The following STMP1 variants were observed in gnomAD, a reference collection of about 807,000 sequenced individuals.
STMP1 encodes mitolamban.
Under a neutral mutation model 7.0 loss-of-function variants are expected in STMP1, and 7 were observed. The observed-to-expected ratio is 1.01, with a 90% CI of 0.57 to 1.89. The LOEUF is 1.89. Among genes scored for constraint, STMP1 ranks in the 40% most tolerant of loss-of-function variants. STMP1 has a pLI of 0.00. For missense variants in STMP1, 45 were observed against 53.0 expected (o/e 0.85, Z 0.47); for synonymous variants, 19 against 18.4 (o/e 1.03, Z -0.08).
At chr7:135,665,459 A>G (rs1195887843) in intron 1 of STMP1, 2 of 151,200 alleles carry the variant, frequency 1.3e-5, no homozygotes, top group African/African-American at 4.9e-5. Flanking sequence ...TATTATTACT[A>G]TTTTTAATAG....
At chr7:135,670,130 G>A (rs1402221674) in intron 1 of STMP1, among the ~76,000 whole-genome samples, 1 of 151,944 alleles carries the variant, frequency 6.6e-6, no homozygotes, top group African/African-American at 2.4e-5. Flanking sequence ...ACCATTAATT[G>A]TCCCCAATGT....
At position 135,674,275 on chromosome 7, in the gene STMP1, C is replaced by G. The variant is rs1795387205; in HGVS notation, c.*110C>G. The G allele has an allele frequency of 2.3e-6, 2 of 861,930 alleles. No individual in the cohort carries two copies. Among genetic ancestry groups the G allele is most frequent in the South Asian group, 3.6e-5 (2 of 55,592 alleles). 53.4% of individuals were successfully genotyped at this position (861,930 alleles called of 1,614,324 possible). A position where few individuals can be genotyped will look rare whatever the true frequency, so the allele number is the denominator to read the frequency against. On this transcript the variant is annotated 3_prime_UTR_variant, in exon 3 of 3. Coordinates refer to ENST00000507606, the MANE Select transcript of STMP1 (RefSeq NM_001130929.2). ...TTTCGTCTCCAGCCTCAGCACTTCT[C>G]TTCTTTGCTAGACCCTGTGTTTTTT...
chr7:135,663,300 A>C (rs1051851509), intron 1 of STMP1, among the ~76,000 whole-genome samples: 2 of 152,138 alleles, frequency 1.3e-5, no homozygotes, highest in Admixed American at 6.5e-5. Flanking sequence ...TTTTCTGCCA[A>C]GCTATTGTGC....
At chr7:135,672,159 T>A (rs1795362397) in intron 1 of STMP1, among the ~76,000 whole-genome samples, 1 of 152,178 alleles carries the variant, frequency 6.6e-6, no homozygotes, top group South Asian at 2.1e-4. Context: ...TTTGTATTTT[T>A]AGTAGAGACG....
intron 1 of STMP1, among the ~76,000 whole-genome samples, chr7:135,669,997 C>A (rs1029421232): frequency 6.6e-6 from 1 of 152,218 alleles, no homozygotes; most frequent in African/African-American, 2.4e-5. Flanking sequence ...CTGTTGTGTA[C>A]TGCTCTGTGC....
intron 1 of STMP1, 27 bp downstream of exon 1, chr7:135,662,621 C>T: frequency 6.5e-7 from 1 of 1,544,866 alleles, no homozygotes. Context: ...AAGAGCGGGG[C>T]CCGCTGCCTG....
At chr7:135,662,940 C>A (rs900131620) in intron 1 of STMP1, among the ~76,000 whole-genome samples, 3 of 152,230 alleles carry the variant, frequency 2.0e-5, no homozygotes, top group South Asian at 2.1e-4. Context: ...AGTCCGCCCC[C>A]CTTTCTTTCT....
Position 135,674,506 on chromosome 7 carries a change from T to G in STMP1, c.*341T>G, listed in dbSNP as rs1216498715. On this transcript the variant is annotated 3_prime_UTR_variant, in exon 3 of 3. Transcript: ENST00000507606. ...TACCTTTTTTCAAAAGAAAAATTGA[T>G]GAGTTTTGTATAGCTGGTCAGATAC... is the stretch of plus-strand genomic sequence containing the variant. 5.0e-6 allele frequency: 1 copy of G among 198,940 alleles called. No individual in the cohort carries two copies. The highest frequency in any genetic ancestry group is 5.5e-5 in the Admixed American group (1 of 18,026). The allele number at this position is 198,940 out of a possible 1,614,324, so 12.3% of individuals were successfully genotyped here.
rs936545862 is a variant in STMP1 at position 135,675,485 on chromosome 7, A to T, written c.*1320A>T. On this transcript the variant is annotated 3_prime_UTR_variant, in exon 3 of 3. Transcript: ENST00000507606. ...GAATAGATATAACATAATTGATTTA[A>T]TCTGCTACTGGTGAATGCTTAGGTT... is the stretch of plus-strand genomic sequence containing the variant. The T allele has an allele frequency of 1.3e-5, 2 of 152,122 alleles. No homozygotes were observed. The highest frequency in any genetic ancestry group is 4.8e-5 in the African/African-American group (2 of 41,418). The allele number at this position is 152,122 out of a possible 1,614,324, so 9.4% of individuals were successfully genotyped here. A position where few individuals can be genotyped will look rare whatever the true frequency, so the allele number is the denominator to read the frequency against.
intron 1 of STMP1, chr7:135,665,454 T>C (rs1795282057): frequency 6.6e-6 from 1 of 152,338 alleles, no homozygotes; most frequent in South Asian, 2.1e-4. Context: ...CCCTTTATTA[T>C]TACTATTTTT....
rs1000530772 is a variant in STMP1, at chr7:135,662,529, C to A, written c.-51C>A. ...ATGGGGAGGTAGGCTCGGACCGGCC[C>A]GCGGAGCTGCTGCAGTCCTTCGCGC... On this transcript the variant is annotated 5_prime_UTR_variant, in exon 1 of 3. Coordinates refer to ENST00000507606, the MANE Select transcript of STMP1 (RefSeq NM_001130929.2). 2.3e-4 allele frequency: 355 copies of A among 1,536,322 alleles called. No individual in the cohort carries two copies. The highest frequency in any genetic ancestry group is 3.0e-4 in the Non-Finnish European group (340 of 1,140,634).
intron 1 of STMP1, among the ~76,000 whole-genome samples, chr7:135,667,852 A>G (rs143741384): frequency 0.029 from 4,363 of 151,678 alleles, 89 homozygotes; most frequent in Middle Eastern, 0.1. Flanking sequence ...TAAGAAAACT[A>G]TTTGCCCAGC....
At chr7:135,668,039 T>C (rs1584705914) in intron 1 of STMP1, among the ~76,000 whole-genome samples, 1 of 152,290 alleles carries the variant, frequency 6.6e-6, no homozygotes, top group East Asian at 1.9e-4. Flanking sequence ...TTGAAAAGAT[T>C]ATTCCCAGCA....
intron 1 of STMP1, among the ~76,000 whole-genome samples, chr7:135,670,336 G>T (rs1200291759): frequency 1.3e-5 from 2 of 152,172 alleles, no homozygotes; most frequent in African/African-American, 4.8e-5. Flanking sequence ...GCATTCAGCT[G>T]ACAGAACTAC....
In STMP1 at chr7:135,674,055, GA is replaced by G. The variant is rs1285488409; in HGVS notation, c.70-35del. 11 of 1,338,560 alleles carry G rather than the reference GA, an allele frequency of 8.2e-6. No homozygotes were observed. In the South Asian group the frequency reaches 1.2e-4, roughly 14 times the overall value. 82.9% of individuals were successfully genotyped at this position (1,338,560 alleles called of 1,614,324 possible). ...GAAGTACAAGAATATTGATTAGGTAGATGCAAAATTATAATAACCTTTTTTC... is the reference window on the plus strand; with the variant it reads ...GAAGTACAAGAATATTGATTAGGTAGTGCAAAATTATAATAACCTTTTTTC... On this transcript the variant is annotated intron_variant, in intron 2 of 2. Coordinates refer to ENST00000507606, the MANE Select transcript of STMP1 (RefSeq NM_001130929.2).
At chr7:135,667,958 G>A (rs943403548) in intron 1 of STMP1, among the ~76,000 whole-genome samples, 3 of 152,152 alleles carry the variant, frequency 2.0e-5, no homozygotes, top group East Asian at 1.9e-4. Flanking sequence ...GTTAATTTTT[G>A]TATATAGTGT....
chr7:135,674,056 A>T (rs1334882873), intron 2 of STMP1, 35 bp from the exon 3 acceptor site: 3 of 1,359,372 alleles, frequency 2.2e-6, no homozygotes, highest in South Asian at 2.6e-5. Context: ...GATTAGGTAG[A>T]TGCAAAATTA....
rs1210400394 is a variant in STMP1, at chr7:135,662,564, C to A, written c.-16C>A. 1.3e-6 allele frequency: 2 copies of A among 1,548,066 alleles called. No homozygotes were observed. On this transcript the variant is annotated 5_prime_UTR_variant, in exon 1 of 3. Coordinates refer to ENST00000507606, the MANE Select transcript of STMP1 (RefSeq NM_001130929.2). ...CTGCAGTCCTTCGCGCCCTCCTCGC[C>A]CTCCCCACCGACATCATGCTCCAGT... is the stretch of plus-strand genomic sequence containing the variant.
intron 2 of STMP1, 110 bp downstream of exon 2, chr7:135,672,916 G>A (rs1795371708): frequency 2.4e-6 from 2 of 829,448 alleles, no homozygotes; most frequent in Admixed American, 2.3e-5. Flanking sequence ...CCATATGGCT[G>A]AGGCAAAACT....
Sources: gnomAD v4.1 joint callset for allele counts (sites outside exome capture counted in the v4.1 genomes callset) on GRCh38, gnomAD v4.1.1 for gene constraint, MANE v1.5 for transcripts, NCBI Gene and HGNC (gene_info 2026-07-23, HGNC 2026-07-21) for gene names.